ALMS1: variants seen among roughly 807,000 people sequenced by gnomAD.
The protein encoded by ALMS1 is centrosome-associated protein ALMS1.
In ALMS1, 271 loss-of-function variants were observed where a neutral mutation model predicts 352.2. That is an observed-to-expected ratio of 0.77 (90% confidence interval 0.70 to 0.85). The LOEUF (loss-of-function observed/expected upper bound fraction) is 0.85. Among genes scored for constraint, ALMS1 ranks in the 40% least tolerant of loss-of-function variants. ALMS1 has a pLI of 0.00. For missense variants in ALMS1, 5,445 were observed against 4,870.7 expected, an observed-to-expected ratio of 1.12 and a Z score of -3.51; for synonymous variants, 1,865 against 1,761.2, an observed-to-expected ratio of 1.06 and a Z score of -1.48.
intron 21 of ALMS1, 30 bp downstream of exon 21, chr2:73,603,334 C>G: frequency 6.2e-7 from 1 of 1,606,896 alleles, no homozygotes; most frequent in Non-Finnish European, 8.5e-7. Context: ...AGTACGTATA[C>G]AAGTGTAAAC....
At chr2:73,588,316 CTCTG>C (rs1267245993) in intron 16 of ALMS1, among the ~76,000 whole-genome samples, 2 of 152,294 alleles carry the variant, frequency 1.3e-5, no homozygotes, top group South Asian at 2.1e-4. Flanking sequence ...TCTCTTTGCA[CTCTG>C]TCTGTTTCTC....
In ALMS1 at chr2:73,557,293, A is replaced by G. The variant is rs1674567076; in HGVS notation, c.10152A>G (p.Thr3384=). Residue 3384 remains threonine (T), a synonymous_variant, in exon 14 of 23, where the codon ACA becomes ACG. Coordinates refer to ENST00000613296, the MANE Select transcript of ALMS1 (RefSeq NM_001378454.1). ...SDKKQQEIHS[T]RAVTEAAQAK... is the part of the protein sequence containing the mutation. ...AAAAACAGCAAGAGATTCACAGTACAAGGGCAGTGACTGAGGCTGCCCAGG... is the reference window on the plus strand; with the variant it reads ...AAAAACAGCAAGAGATTCACAGTACGAGGGCAGTGACTGAGGCTGCCCAGG... 6.2e-7 allele frequency: 1 copy of G among 1,614,184 alleles called. No individual in the cohort carries two copies. Among genetic ancestry groups the G allele is most frequent in the Non-Finnish European group, 8.5e-7 (1 of 1,180,006 alleles).
intron 9 of ALMS1, among the ~76,000 whole-genome samples, chr2:73,469,174 A>ATT (rs1446060783): frequency 6.6e-6 from 1 of 151,966 alleles, no homozygotes; most frequent in Non-Finnish European, 1.5e-5. Flanking sequence ...ATGGACCAAT[A>ATT]ACTCAACAAG....
At chr2:73,516,886 G>T (rs558607552) in intron 10 of ALMS1, among the ~76,000 whole-genome samples, 1 of 152,082 alleles carries the variant, frequency 6.6e-6, no homozygotes, top group South Asian at 2.1e-4. Flanking sequence ...TAGTTATTAA[G>T]CCCCCTGCCT....
Position 73,452,982 on chromosome 2 carries a change from A to T in ALMS1, c.6455A>T (p.Tyr2152Phe), listed in dbSNP as rs1014759835. Reference protein sequence around the residue: ...FSHREKPDIFYQKDLPDRHLT... With the variant: ...FSHREKPDIFFQKDLPDRHLT... ...CATCGAGAGAAACCAGATATTTTCTATCAAAAGGATTTGCCAGATAGACAT... is the reference window on the plus strand; with the variant it reads ...CATCGAGAGAAACCAGATATTTTCTTTCAAAAGGATTTGCCAGATAGACAT... The change falls in exon 8 of 23, where the codon TAT becomes TTT. Residue 2152 changes from tyrosine to phenylalanine, a missense_variant. Coordinates refer to ENST00000613296, the MANE Select transcript of ALMS1 (RefSeq NM_001378454.1). The T allele has an allele frequency of 3.1e-6, 5 of 1,612,296 alleles. No homozygotes were observed. The African/African-American group carries it at 5.3e-5, about 17-fold the overall frequency.
chr2:73,549,917 T>C (rs2104033364), intron 12 of ALMS1, among the ~76,000 whole-genome samples: 1 of 152,326 alleles, frequency 6.6e-6, no homozygotes, highest in East Asian at 1.9e-4. Context: ...TGCAGTGCGG[T>C]GGCAACATCT....
At chr2:73,538,954 G>T (rs1456590961) in intron 12 of ALMS1, among the ~76,000 whole-genome samples, 1 of 152,176 alleles carries the variant, frequency 6.6e-6, no homozygotes, top group Non-Finnish European at 1.5e-5. Context: ...CTCCACCTCT[G>T]GGGGCAGGGC....
In ALMS1 at chr2:73,395,075, TATA is replaced by T. The variant is rs1450944289; in HGVS notation, c.324+8884_324+8886del. ...ATATATATGTGTATATATATATATATATATTTTTTTTTTTTTTTTTTTTTGAGA... is the reference window on the plus strand; with the variant it reads ...ATATATATGTGTATATATATATATATTTTTTTTTTTTTTTTTTTTTTGAGA... On this transcript the variant is annotated intron_variant, in intron 1 of 22. Coordinates refer to ENST00000613296, the MANE Select transcript of ALMS1 (RefSeq NM_001378454.1). 2.5e-3 allele frequency among the ~76,000 whole-genome samples: 242 copies of T among 95,916 alleles called. 12 individuals carry two copies. The highest frequency in any genetic ancestry group is 0.012 in the African/African-American group (212 of 17,582). 62.9% of individuals were successfully genotyped at this position (95,916 alleles called of 152,430 possible).
chr2:73,519,781 A>G lies in ALMS1; in HGVS notation c.9546A>G (p.Pro3182=), dbSNP rs2103961813. Residue 3182 remains proline, a synonymous_variant, in exon 11 of 23, where the codon CCA becomes CCG. Coordinates refer to ENST00000613296, the MANE Select transcript of ALMS1 (RefSeq NM_001378454.1). ...CTTTCTCTTTTTTGGTCAGATTACC[A>G]GAGAAGATGAAGACCCCACTTTCTG... ...EGTPVFADRL[P]EKMKTPLSAF... The G allele has an allele frequency of 6.2e-7, 1 of 1,614,062 alleles. No individual in the cohort carries two copies. Among genetic ancestry groups the G allele is most frequent in the South Asian group, 1.1e-5 (1 of 91,080 alleles).
intron 2 of ALMS1, among the ~76,000 whole-genome samples, chr2:73,416,503 C>T (rs965543367): frequency 6.6e-6 from 1 of 152,014 alleles, no homozygotes; most frequent in Non-Finnish European, 1.5e-5. Flanking sequence ...ACTATATGAA[C>T]ATTTTGTTAA....
At chr2:73,525,228 A>G (rs961738753) in intron 11 of ALMS1, among the ~76,000 whole-genome samples, 5 of 152,192 alleles carry the variant, frequency 3.3e-5, no homozygotes, top group South Asian at 2.1e-4. Context: ...CAGTGTTGCA[A>G]TAAACATGGG....
intron 9 of ALMS1, among the ~76,000 whole-genome samples, chr2:73,460,006 T>C (rs1413437314): frequency 6.6e-6 from 1 of 152,212 alleles, no homozygotes; most frequent in African/African-American, 2.4e-5. Flanking sequence ...TTTATACTAG[T>C]ACATCCAATT....
At chr2:73,550,549 C>T in intron 13 of ALMS1, 112 bp downstream of exon 13, 2 of 1,396,678 alleles carry the variant, frequency 1.4e-6, no homozygotes, top group Admixed American at 3.8e-5. Context: ...AAGCTTTTCT[C>T]CTTGCTGTTA....
Position 73,490,199 on chromosome 2 carries a change from T to G in ALMS1, c.8240T>G (p.Val2747Gly), listed in dbSNP as rs188857186. Reference protein sequence around the residue: ...TEGSQCTGASVGVFNSHFTEE... With the variant: ...TEGSQCTGASGGVFNSHFTEE... ...GGTAGCCAGTGTACTGGAGCATCTG[T>G]GGGGGTATTTAATTCTCATTTCACT... Residue 2747 changes from valine (V) to glycine (G), a missense_variant, in exon 10 of 23, where the codon GTG (valine) becomes GGG (glycine). By Grantham distance (109) the Val-to-Gly change is moderately radical (BLOSUM62 -3). Coordinates refer to ENST00000613296, the MANE Select transcript of ALMS1 (RefSeq NM_001378454.1). The G allele has an allele frequency of 4.9e-5, 79 of 1,614,200 alleles. No individual in the cohort carries two copies. The Admixed American group carries it at 6.2e-4, about 13-fold the overall frequency.
In ALMS1 at chr2:73,448,252, C is replaced by CTAGT; in HGVS notation, c.1726_1727insAGTT (p.Ser576Ter). On this transcript the variant is annotated stop_gained and frameshift_variant, in exon 8 of 23. Coordinates refer to ENST00000613296, the MANE Select transcript of ALMS1 (RefSeq NM_001378454.1). LOFTEE classifies it high-confidence loss of function. The stretch of plus-strand genomic sequence containing the variant: ...CACCAACAGTACTCTCTAGTTCCCA[C>CTAGT]TCACATAGGGGGAAGCCCAGCATTT... 1.2e-6 allele frequency: 2 copies of CTAGT among 1,614,060 alleles called. No homozygotes were observed. The highest frequency in any genetic ancestry group is 1.1e-5 in the South Asian group (1 of 91,076).
At chr2:73,496,952 G>A (rs1673119467) in intron 10 of ALMS1, among the ~76,000 whole-genome samples, 1 of 152,040 alleles carries the variant, frequency 6.6e-6, no homozygotes, top group African/African-American at 2.4e-5. Flanking sequence ...TTCTGGATAC[G>A]AGTCTTTTCT....
intron 10 of ALMS1, among the ~76,000 whole-genome samples, chr2:73,500,304 C>T (rs1355533377): frequency 5.9e-5 from 9 of 152,184 alleles, no homozygotes; most frequent in Non-Finnish European, 1.3e-4. Context: ...AAAGATTTTG[C>T]AGTGCTGTTC....
chr2:73,580,748 AGTT>A (rs1404801305), intron 16 of ALMS1, among the ~76,000 whole-genome samples: 1 of 152,102 alleles, frequency 6.6e-6, no homozygotes, highest in East Asian at 1.9e-4. Context: ...TGTAAGTTAA[AGTT>A]GTTGGTTTAT....
intron 9 of ALMS1, among the ~76,000 whole-genome samples, chr2:73,474,664 A>G (rs1207371662): frequency 6.6e-6 from 1 of 152,064 alleles, no homozygotes; most frequent in East Asian, 1.9e-4. Flanking sequence ...CTGGATGATG[A>G]GAGAATAATA....
Sources: allele counts gnomAD v4.1 joint callset (sites outside exome capture counted in the v4.1 genomes callset), GRCh38; gene constraint gnomAD v4.1.1; transcripts MANE v1.5; gene names NCBI Gene and HGNC (gene_info 2026-07-23, HGNC 2026-07-21).